ARHGAP24: variants seen among roughly 807,000 people sequenced by gnomAD.
The protein encoded by ARHGAP24 is rho GTPase-activating protein 24.
Under a neutral mutation model 76.4 loss-of-function variants are expected in ARHGAP24, and 50 were observed. That is an observed-to-expected ratio of 0.65 (90% confidence interval 0.52 to 0.83). The LOEUF (loss-of-function observed/expected upper bound fraction) is 0.83, where lower values mean the gene tolerates loss of function less well. ARHGAP24 is among the 40% of genes least tolerant of loss of function. The pLI is 0.00. For synonymous variants in ARHGAP24, 345 were observed against 323.3 expected, an observed-to-expected ratio of 1.07 and a Z score of -0.72; for missense variants, 930 against 914.2, an observed-to-expected ratio of 1.02 and a Z score of -0.22.
intron 3 of ARHGAP24, among the ~76,000 whole-genome samples, chr4:85,818,681 C>CTTTAGTGAGAAGT (rs1729345787): frequency 6.6e-6 from 1 of 152,144 alleles, no homozygotes; most frequent in African/African-American, 2.4e-5. Flanking sequence ...ACAGTCAGGA[C>CTTTAGTGAGAAGT]TTTAGTGAGA....
chr4:85,559,745 A>G (rs1726522713), intron 1 of ARHGAP24, among the ~76,000 whole-genome samples: 1 of 151,018 alleles, frequency 6.6e-6, no homozygotes, highest in South Asian at 2.1e-4. Flanking sequence ...GAGACATCCA[A>G]CTTCTTTTCA....
chr4:85,890,930 A>G (rs1733852551), intron 3 of ARHGAP24, among the ~76,000 whole-genome samples: 1 of 152,190 alleles, frequency 6.6e-6, no homozygotes, highest in South Asian at 2.1e-4. Context: ...ACAAGTGTTC[A>G]TTTAACAAGT....
chr4:85,796,212 A>ACG (rs2046193182), intron 3 of ARHGAP24, among the ~76,000 whole-genome samples: 1 of 151,858 alleles, frequency 6.6e-6, no homozygotes, highest in East Asian at 1.9e-4. Flanking sequence ...CTACACACAC[A>ACG]CACACACTCA....
intron 3 of ARHGAP24, among the ~76,000 whole-genome samples, chr4:85,852,205 C>T (rs975259786): frequency 1.3e-5 from 2 of 152,172 alleles, no homozygotes; most frequent in Admixed American, 6.5e-5. Flanking sequence ...ATTTGATCTT[C>T]AGTCACTGAA....
At chr4:85,635,698 C>T (rs910904776) in intron 2 of ARHGAP24, among the ~76,000 whole-genome samples, 1 of 151,828 alleles carries the variant, frequency 6.6e-6, no homozygotes, top group African/African-American at 2.4e-5. Context: ...TTTAATTTTG[C>T]TTTAAATCTA....
At chr4:85,690,409 G>A (rs1306768606) in intron 2 of ARHGAP24, among the ~76,000 whole-genome samples, 3 of 152,202 alleles carry the variant, frequency 2.0e-5, no homozygotes, top group South Asian at 4.2e-4. Flanking sequence ...TGTATGCCTG[G>A]TAGAATTCAG....
At chr4:85,856,019 T>G (rs888525607) in intron 3 of ARHGAP24, among the ~76,000 whole-genome samples, 3 of 152,212 alleles carry the variant, frequency 2.0e-5, no homozygotes, top group African/African-American at 7.2e-5. Flanking sequence ...TGTTTAACTT[T>G]AAAAGAAATG....
chr4:85,565,498 A>T (rs1479370465), intron 1 of ARHGAP24, among the ~76,000 whole-genome samples: 1 of 152,164 alleles, frequency 6.6e-6, no homozygotes, highest in Non-Finnish European at 1.5e-5. Context: ...CTGGGAACAC[A>T]TTTATACAGT....
chr4:85,842,566 G>C (rs1441923176), intron 3 of ARHGAP24, among the ~76,000 whole-genome samples: 1 of 152,162 alleles, frequency 6.6e-6, no homozygotes, highest in Non-Finnish European at 1.5e-5. Flanking sequence ...CTCATAAAAT[G>C]AGGAGCGATA....
At chr4:85,696,836 C>A (rs1237917850) in intron 2 of ARHGAP24, among the ~76,000 whole-genome samples, 1 of 152,114 alleles carries the variant, frequency 6.6e-6, no homozygotes, top group Non-Finnish European at 1.5e-5. Context: ...TATGAAAGGA[C>A]ACCATGCAGA....
intron 1 of ARHGAP24, among the ~76,000 whole-genome samples, chr4:85,544,301 T>C (rs1214044403): frequency 6.6e-6 from 1 of 152,236 alleles, no homozygotes; most frequent in Non-Finnish European, 1.5e-5. Context: ...GTTAATTTTG[T>C]CTTAGACATT....
At chr4:85,787,199 C>T (rs1578228014) in intron 3 of ARHGAP24, among the ~76,000 whole-genome samples, 2 of 152,316 alleles carry the variant, frequency 1.3e-5, no homozygotes, top group East Asian at 3.9e-4. Context: ...AAGACACTAA[C>T]AAGAGGATAT....
At chr4:85,861,087 T>C (rs73833938) in intron 3 of ARHGAP24, among the ~76,000 whole-genome samples, 4,482 of 151,862 alleles carry the variant, frequency 0.03, 136 homozygotes, top group African/African-American at 0.079. Flanking sequence ...TTATACATGG[T>C]AAAACCAGGA....
chr4:85,668,656 C>T (rs1722720363), intron 2 of ARHGAP24, among the ~76,000 whole-genome samples: 1 of 152,082 alleles, frequency 6.6e-6, no homozygotes, highest in African/African-American at 2.4e-5. Flanking sequence ...GCTTTTTTAA[C>T]ATCTTACTCT....
chr4:85,908,816 C>T (rs967384329), intron 3 of ARHGAP24, among the ~76,000 whole-genome samples: 2 of 150,806 alleles, frequency 1.3e-5, no homozygotes, highest in Non-Finnish European at 3.0e-5. Flanking sequence ...CAGATAGTAT[C>T]GAGAACTGTT....
intron 8 of ARHGAP24, among the ~76,000 whole-genome samples, chr4:85,988,174 G>A (rs1040580211): frequency 6.6e-6 from 1 of 151,854 alleles, no homozygotes; most frequent in Non-Finnish European, 1.5e-5. Flanking sequence ...TACAAGAAAC[G>A]TTAAATAGTT....
At chr4:85,718,414 G>A (rs1323309463) in intron 2 of ARHGAP24, among the ~76,000 whole-genome samples, 1 of 152,004 alleles carries the variant, frequency 6.6e-6, no homozygotes, top group Non-Finnish European at 1.5e-5. Flanking sequence ...TAAAAGTATG[G>A]GAGAATTTAT....
intron 4 of ARHGAP24, among the ~76,000 whole-genome samples, chr4:85,926,431 C>T (rs1382255863): frequency 2.0e-5 from 3 of 152,046 alleles, no homozygotes; most frequent in Non-Finnish European, 2.9e-5. Context: ...TGTGATTTCT[C>T]TGAATATCAG....
intron 3 of ARHGAP24, among the ~76,000 whole-genome samples, chr4:85,852,136 C>T (rs1731270065): frequency 6.6e-6 from 1 of 152,158 alleles, no homozygotes; most frequent in African/African-American, 2.4e-5. Flanking sequence ...TTCTTGGAGG[C>T]TTTGTTTGTT....
Sources: allele counts gnomAD v4.1 joint callset (sites outside exome capture counted in the v4.1 genomes callset), GRCh38; gene constraint gnomAD v4.1.1; transcripts MANE v1.5; gene names NCBI Gene and HGNC (gene_info 2026-07-23, HGNC 2026-07-21).